Variants in URB2 observed in about 807,000 individuals in gnomAD.
URB2 encodes the protein URB2 ribosome biogenesis homolog.
URB2 carries 86 observed loss-of-function variants against 120.9 expected under a neutral mutation model. The ratio of observed to expected loss-of-function variants is 0.71; its 90% confidence interval spans 0.60 to 0.85. The LOEUF is 0.85. URB2 is among the 40% of genes least tolerant of loss of function. The pLI is 0.00. For missense variants in URB2, 1,765 were observed against 1,836.5 expected, an observed-to-expected ratio of 0.96 and a Z score of 0.71; for synonymous variants, 755 against 758.4, an observed-to-expected ratio of 1.00 and a Z score of 0.07.
intron 9 of URB2, among the ~76,000 whole-genome samples, chr1:229,655,075 G>A (rs1310856089): frequency 6.6e-6 from 1 of 152,178 alleles, no homozygotes; most frequent in East Asian, 1.9e-4. Flanking sequence ...TACTCTGGCG[G>A]TGTGTCACTC....
intron 1 of URB2, among the ~76,000 whole-genome samples, chr1:229,626,770 T>C (rs1328877667): frequency 6.6e-6 from 1 of 152,254 alleles, no homozygotes; most frequent in Non-Finnish European, 1.5e-5. Context: ...ATGCACTTTG[T>C]AGCTGTCGCG....
At chr1:229,651,201 A>G (rs1571881975) in intron 7 of URB2, 34 bp from the exon 8 acceptor site, 1 of 1,569,834 alleles carries the variant, frequency 6.4e-7, no homozygotes, top group Non-Finnish European at 8.6e-7. Flanking sequence ...ATAATCACGT[A>G]TGTACTTTTA....
chr1:229,632,481 A>G (rs748274704), intron 3 of URB2, 36 bp downstream of exon 3: 32 of 1,483,498 alleles, frequency 2.2e-5, no homozygotes, highest in Middle Eastern at 3.5e-4. Flanking sequence ...TGTTGCATGC[A>G]TCTCCATTGA....
chr1:229,659,396 G>T lies in URB2; in HGVS notation c.*99G>T. 1.6e-6 allele frequency: 2 copies of T among 1,254,786 alleles called. No homozygotes were observed. The highest frequency in any genetic ancestry group is 2.2e-6 in the Non-Finnish European group (2 of 893,220). 77.7% of individuals were successfully genotyped at this position (1,254,786 alleles called of 1,614,324 possible). A position where few individuals can be genotyped will look rare whatever the true frequency, so the allele number is the denominator to read the frequency against. On this transcript the variant is annotated 3_prime_UTR_variant, in exon 10 of 10. Transcript: ENST00000258243. ...TGAAAGACTTAAGATGTTCTAATTC[G>T]TAGTATTGGTATACATAGAAAATCC...
rs1010107654 is a variant in URB2, at chr1:229,626,250, C to G, written c.-120C>G. ...ACGTGGTGGGGACGCGGGACCCGTACAGCGGCCTCCGCCGCACCGGGACAG... is the reference window on the plus strand; with the variant it reads ...ACGTGGTGGGGACGCGGGACCCGTAGAGCGGCCTCCGCCGCACCGGGACAG... On this transcript the variant is annotated 5_prime_UTR_variant, in exon 1 of 10. Coordinates refer to ENST00000258243, the MANE Select transcript of URB2 (RefSeq NM_014777.4). 6.5e-6 allele frequency: 1 copy of G among 153,022 alleles called. No individual in the cohort carries two copies. The highest frequency in any genetic ancestry group is 2.4e-5 in the African/African-American group (1 of 41,350). 9.5% of individuals were successfully genotyped at this position (153,022 alleles called of 1,614,324 possible).
chr1:229,651,396 C>A, intron 8 of URB2, 74 bp downstream of exon 8: 1 of 1,304,600 alleles, frequency 7.7e-7, no homozygotes, highest in Non-Finnish European at 1.0e-6. Context: ...ACATATGTTA[C>A]TGAAAATAAA....
At chr1:229,648,522 G>T (rs987864077) in intron 7 of URB2, among the ~76,000 whole-genome samples, 20 of 152,216 alleles carry the variant, frequency 1.3e-4, no homozygotes, top group African/African-American at 4.8e-4. Context: ...CTGAAACTAG[G>T]GATAAATGTC....
In URB2 at chr1:229,636,639, C is replaced by T. The variant is rs750332993; in HGVS notation, c.2026C>T (p.Gln676Ter). The change falls in exon 4 of 10, where the codon CAG becomes TAG. Residue 676 changes from glutamine (Q) to a stop codon, truncating the protein, a stop_gained. Coordinates refer to ENST00000258243, the MANE Select transcript of URB2 (RefSeq NM_014777.4). LOFTEE classifies it high-confidence loss of function. ...CTCTCTTGGTACATATTGCTTAGAA[C>T]AGCTGTACCTGCAGAAAATGAAAAG... The part of the protein sequence containing the change: ...FSSLGTYCLE[Q>*]LYLQKMKRTL... 6 of 1,614,210 alleles carry T rather than the reference C, an allele frequency of 3.7e-6. No homozygotes were observed. In the Admixed American group the frequency reaches 5.0e-5, roughly 13 times the overall value.
At chr1:229,650,140 ACT>A (rs1666233035) in intron 7 of URB2, among the ~76,000 whole-genome samples, 1 of 151,946 alleles carries the variant, frequency 6.6e-6, no homozygotes, top group Non-Finnish European at 1.5e-5. Flanking sequence ...CACTTGACTT[ACT>A]CTCTGTTCAC....
chr1:229,626,573 C>A (rs1422709813), intron 1 of URB2, among the ~76,000 whole-genome samples: 1 of 152,266 alleles, frequency 6.6e-6, no homozygotes, highest in Admixed American at 6.5e-5. Flanking sequence ...TGGCTCCTAG[C>A]TGCTCTCCCC....
intron 5 of URB2, among the ~76,000 whole-genome samples, chr1:229,645,077 G>A (rs1571877894): frequency 6.6e-6 from 1 of 152,144 alleles, no homozygotes; most frequent in East Asian, 1.9e-4. Context: ...TATGAGGTCA[G>A]GAGTTCGAAA....
chr1:229,644,293 C>T (rs34234307), intron 5 of URB2, among the ~76,000 whole-genome samples: 57,867 of 152,186 alleles, frequency 0.38, 11,706 homozygotes, highest in South Asian at 0.48. Context: ...GAGAGTCCAG[C>T]CAAGGTCTCT....
chr1:229,633,388 T>C (rs1446025364), intron 3 of URB2, among the ~76,000 whole-genome samples: 1 of 152,248 alleles, frequency 6.6e-6, no homozygotes, highest in East Asian at 1.9e-4. Flanking sequence ...TTAAATTTTA[T>C]TTTTATGTAT....
rs755911945 is a variant in URB2 at position 229,636,528 on chromosome 1, C to G, written c.1915C>G (p.Leu639Val). The change falls in exon 4 of 10, where the codon CTG (leucine) becomes GTG (valine). Residue 639 changes from leucine to valine, a missense_variant. By Grantham distance (32) the Leu-to-Val change is conservative. Transcript: ENST00000258243. ...SMSGPLIGVA[L>V]EISNLPSLLP... The stretch of plus-strand genomic sequence containing the variant: ...GTCTGGGCCCCTTATAGGTGTTGCT[C>G]TGGAGATCTCGAACCTCCCTTCGTT... The G allele has an allele frequency of 2.5e-6, 4 of 1,614,072 alleles. No homozygotes were observed. The highest frequency in any genetic ancestry group is 1.1e-5 in the South Asian group (1 of 91,076).
chr1:229,651,224 T>G lies in URB2; in HGVS notation c.4150-11T>G. On this transcript the variant is annotated splice_polypyrimidine_tract_variant and intron_variant, in intron 7 of 9. Transcript: ENST00000258243. ...GTATGTACTTTTACATTCTGTTATC[T>G]GTCATTACAGGTAATGCTGAAAGCC... is the stretch of plus-strand genomic sequence containing the variant. 1 of 1,592,814 alleles carries G rather than the reference T, an allele frequency of 6.3e-7. No homozygotes were observed. The highest frequency in any genetic ancestry group is 8.5e-7 in the Non-Finnish European group (1 of 1,171,820).
rs1665886599 is a variant in URB2, at chr1:229,637,775, G to T, written c.3162G>T (p.Gln1054His). The change falls in exon 4 of 10, where the codon CAG becomes CAT. Residue 1054 changes from glutamine (Q) to histidine (H), a missense_variant. Transcript: ENST00000258243. The part of the protein sequence containing the change: ...QLENQNPQGR[Q>H]LLLVSLTRLC... Reference sequence around the variant, plus strand: ...AAAATCAGAACCCCCAGGGCAGGCAGCTCCTTCTGGTGTCTTTAACCAGGT... The same window carrying T: ...AAAATCAGAACCCCCAGGGCAGGCATCTCCTTCTGGTGTCTTTAACCAGGT... 6.2e-7 allele frequency: 1 copy of T among 1,613,948 alleles called. No homozygotes were observed. The highest frequency in any genetic ancestry group is 1.3e-5 in the African/African-American group (1 of 74,950).
At chr1:229,654,137 G>A in intron 8 of URB2, 112 bp from the exon 9 acceptor site, 5 of 1,488,574 alleles carry the variant, frequency 3.4e-6, no homozygotes, top group Non-Finnish European at 4.6e-6. Context: ...AAGAGTCTGG[G>A]AAAACATGTA....
rs1666066493 is a variant in URB2, at chr1:229,643,656, G to A, written c.3758G>A (p.Gly1253Glu). ...LRLVMQCILQ[G>E]LDVSNMWKAD... The stretch of plus-strand genomic sequence containing the variant: ...CTGGTGATGCAGTGTATTCTCCAGG[G>A]ACTGGATGTCAGTAACATGTGGAAA... The change falls in exon 5 of 10, where the codon GGA (glycine) becomes GAA (glutamate). Residue 1253 changes from glycine (G) to glutamate (E), a missense_variant. Transcript: ENST00000258243. 6.2e-7 allele frequency: 1 copy of A among 1,614,176 alleles called. No homozygotes were observed.
At chr1:229,630,382 C>A (rs57847728) in intron 2 of URB2, among the ~76,000 whole-genome samples, 1 of 152,168 alleles carries the variant, frequency 6.6e-6, no homozygotes, top group African/African-American at 2.4e-5. Flanking sequence ...ACATCTCCAT[C>A]GGAGCTCTTG....
Sources: allele counts gnomAD v4.1 joint callset (sites outside exome capture counted in the v4.1 genomes callset), GRCh38; gene constraint gnomAD v4.1.1; transcripts MANE v1.5; gene names NCBI Gene and HGNC (gene_info 2026-07-23, HGNC 2026-07-21).